Variants in NLN observed in about 807,000 individuals in gnomAD.
The protein encoded by NLN is neurolysin, mitochondrial.
In NLN, 64 loss-of-function variants were observed where a neutral mutation model predicts 79.9. The ratio of observed to expected loss-of-function variants is 0.80; its 90% CI spans 0.65 to 0.99. NLN has a LOEUF of 0.99. NLN is among the 50% of genes least tolerant of loss of function. The pLI, the probability that NLN is intolerant of heterozygous loss-of-function variation, is 0.00. For missense variants in NLN, 835 were observed against 858.7 expected (o/e 0.97, Z 0.34); for synonymous variants, 267 against 296.6 (o/e 0.90, Z 1.02).
intron 2 of NLN, among the ~76,000 whole-genome samples, chr5:65,760,761 T>C (rs960821370): frequency 6.6e-6 from 1 of 152,166 alleles, no homozygotes; most frequent in African/African-American, 2.4e-5. Context: ...TTGTCTCAAG[T>C]GAACCTTCTG....
rs1759704403 is a variant in NLN at position 65,777,479 on chromosome 5, A to G, written c.503A>G (p.Lys168Arg). 2 of 1,613,700 alleles carry G rather than the reference A, an allele frequency of 1.2e-6. No individual in the cohort carries two copies. The highest frequency in any genetic ancestry group is 2.7e-5 in the African/African-American group (2 of 75,054). The change falls in exon 4 of 13, where the codon AAG becomes AGG. Residue 168 changes from lysine to arginine, a missense_variant. By Grantham distance (26) the Lys-to-Arg change is conservative. Transcript: ENST00000380985. The part of the protein sequence containing the change: ...IKPEARRYLE[K>R]SIKMGKRNGL... ...CCTGAGGCCAGACGATACTTGGAAA[A>G]GTCAATTAAAATGGGGAAAAGAAAT...
At chr5:65,788,578 G>A in intron 8 of NLN, 94 bp downstream of exon 8, 3 of 1,300,170 alleles carry the variant, frequency 2.3e-6, no homozygotes, top group South Asian at 1.4e-5. Flanking sequence ...GCTCATGCCT[G>A]TAATCCCAAC....
At chr5:65,777,568 A>T in intron 4 of NLN, 34 bp downstream of exon 4, 2 of 1,327,436 alleles carry the variant, frequency 1.5e-6, no homozygotes, top group Non-Finnish European at 2.1e-6. Context: ...ATCAGAAAAA[A>T]AAAATGAATA....
intron 1 of NLN, among the ~76,000 whole-genome samples, chr5:65,729,596 G>A (rs143845947): frequency 9.5e-4 from 145 of 152,020 alleles, no homozygotes; most frequent in African/African-American, 2.0e-3. Flanking sequence ...GGCTGGTCTC[G>A]AACTCCTGAT....
intron 1 of NLN, among the ~76,000 whole-genome samples, chr5:65,754,265 T>A (rs999483235): frequency 9.9e-5 from 15 of 152,178 alleles, no homozygotes; most frequent in African/African-American, 3.6e-4. Context: ...AGTGTCTGTT[T>A]TATCGTAAAT....
At chr5:65,753,308 A>G (rs569147247) in intron 1 of NLN, among the ~76,000 whole-genome samples, 137 of 152,304 alleles carry the variant, frequency 9.0e-4, no homozygotes, top group African/African-American at 2.8e-3. Context: ...ATGAAAACCA[A>G]CGAAGGTCAT....
intron 1 of NLN, among the ~76,000 whole-genome samples, chr5:65,750,796 G>A (rs1225684955): frequency 2.6e-5 from 4 of 151,786 alleles, no homozygotes; most frequent in Admixed American, 1.3e-4. Context: ...AAAGAAGGAA[G>A]GAGAAAGAAA....
intron 4 of NLN, among the ~76,000 whole-genome samples, chr5:65,778,096 G>A (rs144491788): frequency 2.3e-4 from 35 of 152,200 alleles, no homozygotes; most frequent in Admixed American, 1.8e-3. Context: ...CAGAGATGGG[G>A]CACTGATTAT....
chr5:65,738,104 G>A (rs1020781334), intron 1 of NLN, among the ~76,000 whole-genome samples: 13 of 150,678 alleles, frequency 8.6e-5, no homozygotes, highest in African/African-American at 2.4e-4. Flanking sequence ...ACTCCAGCCT[G>A]GGTGACAGAG....
chr5:65,775,548 T>C (rs1287366783), intron 3 of NLN, among the ~76,000 whole-genome samples: 1 of 152,218 alleles, frequency 6.6e-6, no homozygotes, highest in Non-Finnish European at 1.5e-5. Flanking sequence ...TCTCCCCAGC[T>C]CTACAGCTTG....
chr5:65,747,755 C>T (rs1759016316), intron 1 of NLN, among the ~76,000 whole-genome samples: 1 of 152,168 alleles, frequency 6.6e-6, no homozygotes, highest in South Asian at 2.1e-4. Context: ...GGGGCCCACA[C>T]AGATTCTGGG....
intron 9 of NLN, among the ~76,000 whole-genome samples, chr5:65,808,307 G>A (rs1001078056): frequency 3.9e-5 from 6 of 152,078 alleles, no homozygotes; most frequent in African/African-American, 1.2e-4. Flanking sequence ...CTGCTGATTC[G>A]GCACCCCATC....
chr5:65,801,132 C>T (rs1760276835), intron 9 of NLN, among the ~76,000 whole-genome samples: 1 of 152,138 alleles, frequency 6.6e-6, no homozygotes, highest in African/African-American at 2.4e-5. Flanking sequence ...TTTGAAGTGT[C>T]AGCTACAAAA....
chr5:65,819,876 A>G (rs528743797), intron 12 of NLN, among the ~76,000 whole-genome samples: 9 of 152,324 alleles, frequency 5.9e-5, no homozygotes, highest in African/African-American at 2.2e-4. Flanking sequence ...AGATCCTGTT[A>G]CCAAAATGAC....
At chr5:65,780,940 G>A (rs1022953334) in intron 5 of NLN, among the ~76,000 whole-genome samples, 5 of 152,150 alleles carry the variant, frequency 3.3e-5, no homozygotes, top group Non-Finnish European at 7.4e-5. Flanking sequence ...CCAAAGTGCT[G>A]GGATTACACG....
At chr5:65,748,609 G>A (rs565806429) in intron 1 of NLN, among the ~76,000 whole-genome samples, 13 of 152,174 alleles carry the variant, frequency 8.5e-5, no homozygotes, top group African/African-American at 3.1e-4. Context: ...AATTAAATTA[G>A]CCAGGCATGA....
At chr5:65,725,072 TG>T (rs1259501000) in intron 1 of NLN, among the ~76,000 whole-genome samples, 1 of 152,196 alleles carries the variant, frequency 6.6e-6, no homozygotes, top group African/African-American at 2.4e-5. Context: ...CCCAAAGTGC[TG>T]GGATTACAGG....
intron 1 of NLN, among the ~76,000 whole-genome samples, chr5:65,748,147 G>T (rs1452804601): frequency 6.6e-6 from 1 of 152,208 alleles, no homozygotes; most frequent in African/African-American, 2.4e-5. Flanking sequence ...GTTTCAGTGA[G>T]CCAAGATCGT....
chr5:65,746,300 A>G (rs932546669), intron 1 of NLN, among the ~76,000 whole-genome samples: 1 of 152,258 alleles, frequency 6.6e-6, no homozygotes, highest in Non-Finnish European at 1.5e-5. Context: ...AAGAGGAATC[A>G]TTATCACAAA....
Sources: allele counts gnomAD v4.1 joint callset (sites outside exome capture counted in the v4.1 genomes callset), GRCh38; gene constraint gnomAD v4.1.1; transcripts MANE v1.5; gene names NCBI Gene and HGNC (gene_info 2026-07-23, HGNC 2026-07-21).